CLEC7A: variants seen among roughly 807,000 people sequenced by gnomAD.
The protein encoded by CLEC7A is C-type lectin domain containing 7A.
Under a neutral mutation model 26.9 loss-of-function variants are expected in CLEC7A, and 25 were observed. The ratio of observed to expected loss-of-function variants is 0.93; its 90% CI spans 0.68 to 1.30. CLEC7A has a LOEUF of 1.30. Among genes scored for constraint, CLEC7A ranks in the 50% most tolerant of loss-of-function variants. CLEC7A has a pLI of 0.00. For missense variants in CLEC7A, 275 were observed against 286.7 expected, an observed-to-expected ratio of 0.96 and a Z score of 0.29; for synonymous variants, 100 against 99.5, an observed-to-expected ratio of 1.01 and a Z score of -0.03.
chr12:10,125,562 A>T (rs1179348533), intron 3 of CLEC7A, 114 bp from the exon 4 acceptor site: 5 of 773,460 alleles, frequency 6.5e-6, no homozygotes, highest in Non-Finnish European at 9.5e-6. Context: ...TGCCATTTTT[A>T]TATTTCATTG....
At chr12:10,125,491 A>G (rs1006238620) in intron 3 of CLEC7A, 43 bp from the exon 4 acceptor site, 14 of 1,540,820 alleles carry the variant, frequency 9.1e-6, no homozygotes, top group Non-Finnish European at 1.2e-5. Flanking sequence ...TAGCATACCA[A>G]TTCACTCTTT....
chr12:10,120,757 CTTTT>C (rs71049047), intron 5 of CLEC7A, among the ~76,000 whole-genome samples: 1 of 137,836 alleles, frequency 7.3e-6, no homozygotes, highest in African/African-American at 2.6e-5. Flanking sequence ...TTTTCTTTTT[CTTTT>C]TTTTTTTTTT....
At chr12:10,120,901 C>T (rs1412204359) in intron 5 of CLEC7A, among the ~76,000 whole-genome samples, 1 of 151,190 alleles carries the variant, frequency 6.6e-6, no homozygotes, top group South Asian at 2.1e-4. Flanking sequence ...TTACAGGCGT[C>T]CACCACCACA....
At chr12:10,122,051 G>T (rs1948103474) in intron 5 of CLEC7A, among the ~76,000 whole-genome samples, 1 of 151,732 alleles carries the variant, frequency 6.6e-6, no homozygotes. Flanking sequence ...ATGGAAGGAA[G>T]TAATACAGAT....
chr12:10,125,582 A>G, intron 3 of CLEC7A, 134 bp from the exon 4 acceptor site: 1 of 645,248 alleles, frequency 1.5e-6, no homozygotes, highest in Non-Finnish European at 2.5e-6. Context: ...GTCAATTCGA[A>G]CTACAGGGAT....
At chr12:10,128,974 T>C (rs1329400808) in intron 1 of CLEC7A, among the ~76,000 whole-genome samples, 1 of 152,198 alleles carries the variant, frequency 6.6e-6, no homozygotes, top group African/African-American at 2.4e-5. Flanking sequence ...ATAACCAGAA[T>C]GTATTTCTGC....
chr12:10,124,861 T>A (rs1948219203), intron 4 of CLEC7A: 1 of 167,204 alleles, frequency 6.0e-6, no homozygotes, highest in African/African-American at 2.4e-5. Context: ...ACTATGCACT[T>A]TATGTGCTTA....
Position 10,117,954 on chromosome 12 carries a change from C to T in CLEC7A, c.*504G>A, listed in dbSNP as rs1424884830. ...TGGTGGCTCACATCTGTAATCCCAG[C>T]ACTTTGGGAGGCCAAGGCGGGCAGA... is the stretch of plus-strand genomic sequence containing the variant. On this transcript the variant is annotated 3_prime_UTR_variant, in exon 6 of 6. Coordinates refer to ENST00000304084, the MANE Select transcript of CLEC7A (RefSeq NM_197947.3). 6.5e-6 allele frequency: 1 copy of T among 153,656 alleles called. No individual in the cohort carries two copies. Among genetic ancestry groups the T allele is most frequent in the Non-Finnish European group, 1.4e-5 (1 of 69,186 alleles). 9.5% of individuals were successfully genotyped at this position (153,656 alleles called of 1,614,324 possible). A position where few individuals can be genotyped will look rare whatever the true frequency, so the allele number is the denominator to read the frequency against.
At chr12:10,125,511 C>T in intron 3 of CLEC7A, 63 bp from the exon 4 acceptor site, 3 of 1,342,944 alleles carry the variant, frequency 2.2e-6, no homozygotes, top group Non-Finnish European at 3.0e-6. Context: ...TTAGTGTGAA[C>T]ACCATTCATC....
At chr12:10,126,197 T>C in intron 3 of CLEC7A, 1 of 984,654 alleles carries the variant, frequency 1.0e-6, no homozygotes, top group Non-Finnish European at 1.2e-6. Flanking sequence ...TCTAATGTCA[T>C]ATTTCCTATT....
intron 2 of CLEC7A, 198 bp from the exon 3 acceptor site, chr12:10,126,906 A>C: frequency 1.6e-6 from 1 of 636,280 alleles, no homozygotes; most frequent in Non-Finnish European, 2.4e-6. Context: ...TTTATAAAGG[A>C]GGTATAGTAA....
rs553392700 is a variant in CLEC7A, at chr12:10,116,872, C to T, written c.*1586G>A. On this transcript the variant is annotated 3_prime_UTR_variant, in exon 6 of 6. Transcript: ENST00000304084. ...TAATTTAGTAAAATTGGTACAATTTCTTTTCACATATTAATCAACATTAGA... is the reference window on the plus strand; with the variant it reads ...TAATTTAGTAAAATTGGTACAATTTTTTTTCACATATTAATCAACATTAGA... 1.3e-5 allele frequency: 2 copies of T among 152,122 alleles called. No homozygotes were observed. Among genetic ancestry groups the T allele is most frequent in the Non-Finnish European group, 2.9e-5 (2 of 68,002 alleles). 9.4% of individuals were successfully genotyped at this position (152,122 alleles called of 1,614,324 possible). A position where few individuals can be genotyped will look rare whatever the true frequency, so the allele number is the denominator to read the frequency against.
intron 3 of CLEC7A, 158 bp downstream of exon 3, chr12:10,126,413 A>G: frequency 1.0e-6 from 1 of 978,076 alleles, no homozygotes; most frequent in Non-Finnish European, 1.2e-6. Context: ...TGTATATATG[A>G]CAGGGATACA....
intron 4 of CLEC7A, among the ~76,000 whole-genome samples, chr12:10,123,802 A>C (rs1454828703): frequency 6.6e-6 from 1 of 151,488 alleles, no homozygotes; most frequent in Non-Finnish European, 1.5e-5. Flanking sequence ...CTAACCTGAC[A>C]TCAACCTAGA....
At chr12:10,123,513 G>A (rs1443163875) in intron 4 of CLEC7A, 150 bp from the exon 5 acceptor site, 3 of 597,574 alleles carry the variant, frequency 5.0e-6, no homozygotes, top group Non-Finnish European at 8.9e-6. Flanking sequence ...TGTAATCCCA[G>A]CACTTTGGGA....
In CLEC7A at chr12:10,126,737, C is replaced by T. The variant is rs1192005448; in HGVS notation, c.203-29G>A. On this transcript the variant is annotated intron_variant, in intron 2 of 5. Coordinates refer to ENST00000304084, the MANE Select transcript of CLEC7A (RefSeq NM_197947.3). ...CACATACCAACAATAATAATAGTGA[C>T]AGAAAAAATGTCATTCTGCTGTGTT... 3 of 1,556,448 alleles carry T rather than the reference C, an allele frequency of 1.9e-6. No individual in the cohort carries two copies. The African/African-American group carries it at 4.1e-5, about 21-fold the overall frequency.
chr12:10,123,214 A>C (rs765614983), intron 5 of CLEC7A, 31 bp downstream of exon 5: 3 of 1,371,422 alleles, frequency 2.2e-6, no homozygotes, highest in South Asian at 1.2e-5. Flanking sequence ...TCTGAGAAAA[A>C]GGATGAAGCA....
At position 10,127,103 on chromosome 12, in the gene CLEC7A, C is replaced by T. The variant is rs7309870; in HGVS notation, c.203-395G>A. The T allele has an allele frequency of 0.035, 45,503 of 1,296,616 alleles. 7,312 individuals are homozygous for T. In the African/African-American group the frequency reaches 0.45, roughly 13 times the overall value. 80.3% of individuals were successfully genotyped at this position (1,296,616 alleles called of 1,614,324 possible). A position where few individuals can be genotyped will look rare whatever the true frequency, so the allele number is the denominator to read the frequency against. On this transcript the variant is annotated intron_variant, in intron 2 of 5. Transcript: ENST00000304084. Reference sequence around the variant, plus strand: ...ACTGCCCAGTACCTATAACATAGAACGCACTCAATAAACATTTGACTAATT... The same window carrying T: ...ACTGCCCAGTACCTATAACATAGAATGCACTCAATAAACATTTGACTAATT...
intron 2 of CLEC7A, chr12:10,127,271 A>C: frequency 6.9e-7 from 1 of 1,444,276 alleles, no homozygotes; most frequent in Non-Finnish European, 9.3e-7. Context: ...AAAGGTGTTT[A>C]TATTAAAGAT....
Sources: gnomAD v4.1 joint callset for allele counts (sites outside exome capture counted in the v4.1 genomes callset) on GRCh38, gnomAD v4.1.1 for gene constraint, MANE v1.5 for transcripts, NCBI Gene and HGNC (gene_info 2026-07-23, HGNC 2026-07-21) for gene names.